The following NXPH1 variants were observed in gnomAD, a reference collection of about 807,000 sequenced individuals.
NXPH1 encodes neurexophilin-1.
A neutral mutation model predicts 23.7 loss-of-function variants in NXPH1; 5 were observed. That is an observed-to-expected ratio of 0.21 (90% CI 0.11 to 0.44). The LOEUF (loss-of-function observed/expected upper bound fraction) is 0.44, where lower values mean the gene tolerates loss of function less well. NXPH1 is among the 20% of genes least tolerant of loss of function. NXPH1 has a pLI of 0.99. For missense variants in NXPH1, 324 were observed against 321.6 expected, an observed-to-expected ratio of 1.01 and a Z score of -0.06; for synonymous variants, 144 against 122.2, an observed-to-expected ratio of 1.18 and a Z score of -1.18.
chr7:8,559,837 T>A (rs1292938353), intron 2 of NXPH1, among the ~76,000 whole-genome samples: 1 of 151,668 alleles, frequency 6.6e-6, no homozygotes, highest in East Asian at 2.0e-4. Flanking sequence ...CAATTTGGAG[T>A]GGGCATAGCA....
At chr7:8,642,853 T>C (rs1583211272) in intron 2 of NXPH1, among the ~76,000 whole-genome samples, 1 of 151,738 alleles carries the variant, frequency 6.6e-6, no homozygotes, top group Non-Finnish European at 1.5e-5. Context: ...CATATACTTT[T>C]TTTTTTCCTT....
At chr7:8,598,959 A>C in intron 2 of NXPH1, among the ~76,000 whole-genome samples, 1 of 151,930 alleles carries the variant, frequency 6.6e-6, no homozygotes, top group Non-Finnish European at 1.5e-5. Context: ...CAATTTGTTC[A>C]TTTATTCATC....
chr7:8,748,901 T>C (rs7806959), intron 2 of NXPH1, among the ~76,000 whole-genome samples: 79,201 of 152,058 alleles, frequency 0.52, 22,202 homozygotes, highest in East Asian at 0.79. Flanking sequence ...GTGGTGAGAA[T>C]AGTCCAGCCA....
chr7:8,547,007 T>C (rs1019087822), intron 2 of NXPH1, among the ~76,000 whole-genome samples: 1 of 151,368 alleles, frequency 6.6e-6, no homozygotes, highest in Non-Finnish European at 1.5e-5. Context: ...GGTCAGCAAA[T>C]TGGGAAGTAG....
chr7:8,464,515 C>T (rs1181462991), intron 2 of NXPH1, among the ~76,000 whole-genome samples: 1 of 152,100 alleles, frequency 6.6e-6, no homozygotes, highest in Non-Finnish European at 1.5e-5. Flanking sequence ...GATATTTAAC[C>T]ATCCTAATCA....
intron 2 of NXPH1, among the ~76,000 whole-genome samples, chr7:8,541,902 T>C (rs765204941): frequency 3.3e-5 from 5 of 151,566 alleles, no homozygotes; most frequent in Non-Finnish European, 5.9e-5. Flanking sequence ...CAAAAATATT[T>C]AGTTAATCCA....
chr7:8,620,080 G>A (rs75210665), intron 2 of NXPH1, among the ~76,000 whole-genome samples: 4,764 of 152,206 alleles, frequency 0.031, 259 homozygotes, highest in East Asian at 0.17. Flanking sequence ...CAGAGTAGCC[G>A]TTGACCTCTA....
At chr7:8,571,262 G>T (rs768677390) in intron 2 of NXPH1, among the ~76,000 whole-genome samples, 4 of 151,792 alleles carry the variant, frequency 2.6e-5, no homozygotes, top group Non-Finnish European at 4.4e-5. Flanking sequence ...GAGGGTGTGA[G>T]GACCACTCCC....
chr7:8,738,815 C>A (rs1383021209), intron 2 of NXPH1, among the ~76,000 whole-genome samples: 2 of 152,126 alleles, frequency 1.3e-5, no homozygotes, highest in Non-Finnish European at 2.9e-5. Context: ...TTCAGAGATG[C>A]CCTGACCAGG....
At chr7:8,681,263 G>GT (rs1490986840) in intron 2 of NXPH1, among the ~76,000 whole-genome samples, 1 of 152,092 alleles carries the variant, frequency 6.6e-6, no homozygotes, top group Non-Finnish European at 1.5e-5. Flanking sequence ...ATATATAAGC[G>GT]TTTATCTTCC....
chr7:8,702,039 GAAAAAA>G (rs57766744), intron 2 of NXPH1, among the ~76,000 whole-genome samples: 8 of 142,836 alleles, frequency 5.6e-5, no homozygotes, highest in African/African-American at 2.1e-4. Flanking sequence ...CCCAATTAAA[GAAAAAA>G]AAAAAAGCCC....
intron 2 of NXPH1, among the ~76,000 whole-genome samples, chr7:8,488,907 C>G (rs1817204919): frequency 6.6e-6 from 1 of 152,178 alleles, no homozygotes; most frequent in African/African-American, 2.4e-5. Flanking sequence ...TCAACTTCAT[C>G]TTTTAGCAGC....
intron 2 of NXPH1, among the ~76,000 whole-genome samples, chr7:8,674,607 G>C (rs2115172170): frequency 6.6e-6 from 1 of 152,234 alleles, no homozygotes; most frequent in South Asian, 2.1e-4. Flanking sequence ...TGGGGTTCCA[G>C]GCATTTACAA....
intron 2 of NXPH1, among the ~76,000 whole-genome samples, chr7:8,736,059 T>C (rs1298271869): frequency 6.6e-6 from 1 of 152,246 alleles, no homozygotes; most frequent in South Asian, 2.1e-4. Flanking sequence ...ATGTATTTTG[T>C]TAATCTTTTC....
At chr7:8,542,774 TTA>T (rs1472346848) in intron 2 of NXPH1, among the ~76,000 whole-genome samples, 8 of 151,536 alleles carry the variant, frequency 5.3e-5, no homozygotes, top group African/African-American at 1.9e-4. Context: ...GGAAAAATTA[TTA>T]TGTTAGATTA....
chr7:8,446,530 A>T (rs1584159697), intron 2 of NXPH1, among the ~76,000 whole-genome samples: 1 of 152,224 alleles, frequency 6.6e-6, no homozygotes, highest in East Asian at 1.9e-4. Flanking sequence ...GAATAAGTAA[A>T]GGAATAGAGG....
intron 2 of NXPH1, among the ~76,000 whole-genome samples, chr7:8,732,318 G>T (rs1780172020): frequency 6.6e-6 from 1 of 152,218 alleles, no homozygotes; most frequent in South Asian, 2.1e-4. Context: ...CGCTCACAGT[G>T]GGAGCTGTAG....
intron 2 of NXPH1, among the ~76,000 whole-genome samples, chr7:8,613,632 T>C (rs945448098): frequency 6.6e-6 from 1 of 151,994 alleles, no homozygotes; most frequent in African/African-American, 2.4e-5. Context: ...TATCTATCTA[T>C]GGTTCAGAAT....
At chr7:8,629,343 A>G (rs573746939) in intron 2 of NXPH1, among the ~76,000 whole-genome samples, 5 of 152,224 alleles carry the variant, frequency 3.3e-5, no homozygotes, top group African/African-American at 9.6e-5. Flanking sequence ...TTAGCTGTGA[A>G]AAAGTTTATT....
Sources: gnomAD v4.1 joint callset for allele counts (sites outside exome capture counted in the v4.1 genomes callset) on GRCh38, gnomAD v4.1.1 for gene constraint, MANE v1.5 for transcripts, NCBI Gene and HGNC (gene_info 2026-07-23, HGNC 2026-07-21) for gene names.